The following DIP2C variants were observed in gnomAD, a reference collection of about 807,000 sequenced individuals.
DIP2C encodes the protein disco-interacting protein 2 homolog C.
Under a neutral mutation model 192.4 loss-of-function variants are expected in DIP2C, and 33 were observed. That is an observed-to-expected ratio of 0.17 (90% confidence interval 0.13 to 0.23). The LOEUF (loss-of-function observed/expected upper bound fraction) is 0.23, where lower values mean the gene tolerates loss of function less well. DIP2C is among the 10% of genes least tolerant of loss of function. The pLI is 1.00. For synonymous variants in DIP2C, 979 were observed against 864.1 expected (o/e 1.13, Z -2.33); for missense variants, 1,537 against 2,110.1 (o/e 0.73, Z 5.32).
intron 19 of DIP2C, among the ~76,000 whole-genome samples, chr10:365,974 G>T (rs368193555): frequency 8.5e-5 from 13 of 152,310 alleles, no homozygotes; most frequent in African/African-American, 2.9e-4. Flanking sequence ...GGCCCTTCAC[G>T]CACACAAGTG....
rs970763579 is a variant in DIP2C at position 434,582 on chromosome 10, C to T, written c.394+6289G>A. On this transcript the variant is annotated intron_variant, in intron 4 of 36. Transcript: ENST00000280886. ...GCCCCTGTACACAGACTCTGCTCTT[C>T]CTTTCTTTATGCACAGCTGAGTTAC... 7.2e-5 allele frequency among the ~76,000 whole-genome samples: 11 copies of T among 152,226 alleles called. No homozygotes were observed. The South Asian group carries it at 1.0e-3, about 14-fold the overall frequency.
chr10:565,173 CA>C (rs1344077857), intron 1 of DIP2C, among the ~76,000 whole-genome samples: 2 of 152,158 alleles, frequency 1.3e-5, no homozygotes, highest in East Asian at 1.9e-4. Flanking sequence ...TGAGCACAGG[CA>C]AGAGAACACG....
At chr10:602,776 T>C (rs1852178478) in intron 1 of DIP2C, among the ~76,000 whole-genome samples, 1 of 152,004 alleles carries the variant, frequency 6.6e-6, no homozygotes, top group African/African-American at 2.4e-5. Flanking sequence ...GGAAACGGGG[T>C]TCACAAGGAA....
chr10:334,747 G>T (rs1424717223), intron 29 of DIP2C, among the ~76,000 whole-genome samples: 1 of 152,018 alleles, frequency 6.6e-6, no homozygotes, highest in Non-Finnish European at 1.5e-5. Context: ...TAAATATAAG[G>T]GTTTATTTCT....
chr10:633,131 ATTTC>A (rs1365421715), intron 1 of DIP2C, among the ~76,000 whole-genome samples: 2 of 152,226 alleles, frequency 1.3e-5, no homozygotes, highest in African/African-American at 4.8e-5. Context: ...TTTTTTAATG[ATTTC>A]TTTCTTTTAG....
intron 3 of DIP2C, among the ~76,000 whole-genome samples, chr10:443,922 T>C (rs1967941706): frequency 6.6e-6 from 1 of 152,172 alleles, no homozygotes; most frequent in Non-Finnish European, 1.5e-5. Flanking sequence ...CACAGTGAAA[T>C]GTTCAGATCT....
chr10:414,521 AT>A (rs1965410259), intron 7 of DIP2C, among the ~76,000 whole-genome samples: 1 of 151,814 alleles, frequency 6.6e-6, no homozygotes, highest in Non-Finnish European at 1.5e-5. Flanking sequence ...TGATAAATAT[AT>A]TTTCTGAGGC....
chr10:341,910 AC>A (rs1958165694), intron 28 of DIP2C, among the ~76,000 whole-genome samples: 2 of 151,850 alleles, frequency 1.3e-5, no homozygotes, highest in African/African-American at 4.9e-5. Flanking sequence ...ACCCAAAAGA[AC>A]AACAAATGCA....
intron 1 of DIP2C, among the ~76,000 whole-genome samples, chr10:490,729 G>C (rs1844374301): frequency 6.6e-6 from 1 of 152,036 alleles, no homozygotes; most frequent in African/African-American, 2.4e-5. Context: ...AAAAATAAGT[G>C]ATCTCTTTAG....
chr10:396,951 C>T (rs1964040161), intron 10 of DIP2C, among the ~76,000 whole-genome samples: 1 of 152,194 alleles, frequency 6.6e-6, no homozygotes, highest in Non-Finnish European at 1.5e-5. Context: ...CATGAACCTC[C>T]TGGCTTTGTA....
chr10:613,270 T>G (rs555776322), intron 1 of DIP2C, among the ~76,000 whole-genome samples: 2 of 152,340 alleles, frequency 1.3e-5, no homozygotes, highest in South Asian at 2.1e-4. Context: ...GCTCGGACAG[T>G]CCCTTACAGG....
In DIP2C at chr10:274,975, C is replaced by G. The variant is rs1954436441; in HGVS notation, c.*2350G>C. 6.6e-6 allele frequency: 1 copy of G among 152,192 alleles called. No homozygotes were observed. The highest frequency in any genetic ancestry group is 1.5e-5 in the Non-Finnish European group (1 of 68,054). 9.4% of individuals were successfully genotyped at this position (152,192 alleles called of 1,614,324 possible). On this transcript the variant is annotated 3_prime_UTR_variant, in exon 37 of 37. Transcript: ENST00000280886. ...TCTCCTTTCCTTTCTCTTGCACAAC[C>G]AAATTTCAATCTCAGTCCACCAACT...
intron 5 of DIP2C, among the ~76,000 whole-genome samples, chr10:420,355 C>A (rs1966098541): frequency 6.6e-6 from 1 of 152,232 alleles, no homozygotes; most frequent in Non-Finnish European, 1.5e-5. Context: ...CGGTGTCAGT[C>A]CGGTGTCACA....
intron 1 of DIP2C, among the ~76,000 whole-genome samples, chr10:583,903 C>A (rs1369479245): frequency 1.3e-5 from 2 of 152,196 alleles, no homozygotes; most frequent in African/African-American, 2.4e-5. Flanking sequence ...CAAGCACGTG[C>A]CTAGAGATCG....
chr10:538,998 G>A (rs969805261), intron 1 of DIP2C, among the ~76,000 whole-genome samples: 2 of 149,104 alleles, frequency 1.3e-5, no homozygotes, highest in South Asian at 2.1e-4. Context: ...CCTCAGTTGC[G>A]AGTTGTCTGT....
chr10:413,572 TTTC>T (rs1564677846), intron 8 of DIP2C, among the ~76,000 whole-genome samples: 1 of 152,212 alleles, frequency 6.6e-6, no homozygotes, highest in Non-Finnish European at 1.5e-5. Context: ...TCCTAAAGAG[TTTC>T]TTGAGATTCC....
chr10:588,708 G>T (rs754630079), intron 1 of DIP2C, among the ~76,000 whole-genome samples: 93 of 152,336 alleles, frequency 6.1e-4, no homozygotes, highest in Non-Finnish European at 1.2e-3. Flanking sequence ...TCCTCCAGCT[G>T]CCGTCCCGCA....
chr10:662,320 A>T (rs1856810036), intron 1 of DIP2C, among the ~76,000 whole-genome samples: 1 of 152,218 alleles, frequency 6.6e-6, no homozygotes, highest in Non-Finnish European at 1.5e-5. Context: ...CTTGCTTGAT[A>T]ATTTTGTGGC....
rs575465686 is a variant in DIP2C, at chr10:606,525, C to G, written c.85+82969G>C. On this transcript the variant is annotated intron_variant, in intron 1 of 36. Coordinates refer to ENST00000280886, the MANE Select transcript of DIP2C (RefSeq NM_014974.3). ...GGAGGGGATCTCACGGCCCCGCTGC[C>G]GTAATTACCTGCTGTGATCCGAATT... Among the ~76,000 whole-genome samples, 99 of 139,370 alleles carry G rather than the reference C, an allele frequency of 7.1e-4. 2 individuals are homozygous for G. In the South Asian group the frequency reaches 0.023, roughly 32 times the overall value. 91.4% of individuals were successfully genotyped at this position (139,370 alleles called of 152,430 possible). A position where few individuals can be genotyped will look rare whatever the true frequency, so the allele number is the denominator to read the frequency against.
Sources: gnomAD v4.1 joint callset for allele counts (sites outside exome capture counted in the v4.1 genomes callset) on GRCh38, gnomAD v4.1.1 for gene constraint, MANE v1.5 for transcripts, NCBI Gene and HGNC (gene_info 2026-07-23, HGNC 2026-07-21) for gene names.